LYZL4: variants seen among roughly 807,000 people sequenced by gnomAD.
The protein encoded by LYZL4 is lysozyme like 4.
LYZL4 carries 13 observed loss-of-function variants against 17.6 expected under a neutral mutation model. The observed-to-expected ratio is 0.74, with a 90% CI of 0.48 to 1.18. The LOEUF is 1.18. LYZL4 is among the 50% of genes most tolerant of loss of function. The pLI is 0.00. For synonymous variants in LYZL4, 64 were observed against 67.7 expected (o/e 0.95, Z 0.27); for missense variants, 174 against 188.2 (o/e 0.92, Z 0.44).
At chr3:42,399,803 C>G (rs746402357) in intron 4 of LYZL4, among the ~76,000 whole-genome samples, 1 of 152,020 alleles carries the variant, frequency 6.6e-6, no homozygotes, top group African/African-American at 2.4e-5. Flanking sequence ...AGTTTTTCAA[C>G]GAGCACATAG....
At chr3:42,369,915 T>G in the LYZL4 span, among the ~76,000 whole-genome samples, 1 of 152,068 alleles carries the variant, frequency 6.6e-6, no homozygotes, top group African/African-American at 2.4e-5. Context: ...GGCGTGGTGA[T>G]GCATACCTGT....
intron 4 of LYZL4, among the ~76,000 whole-genome samples, chr3:42,402,346 TA>T (rs1220113129): frequency 1.4e-5 from 2 of 146,152 alleles, no homozygotes; most frequent in African/African-American, 5.1e-5. Flanking sequence ...ATGTCTCTTA[TA>T]AAAAAAAGAT....
chr3:42,407,482 TCTC>T, intron 1 of LYZL4, 139 bp from the exon 2 acceptor site: 2 of 572,596 alleles, frequency 3.5e-6, no homozygotes, highest in Non-Finnish European at 6.1e-6. Flanking sequence ...CTCTGCCCCT[TCTC>T]CTCCTCTTGA....
At chr3:42,385,178 C>T in the LYZL4 span, among the ~76,000 whole-genome samples, 62 of 137,558 alleles carry the variant, frequency 4.5e-4, no homozygotes, top group Non-Finnish European at 8.5e-4. Context: ...TCTTTTGCCT[C>T]TTTTCAAAAA....
At chr3:42,366,750 C>G in the LYZL4 span, among the ~76,000 whole-genome samples, 1 of 152,194 alleles carries the variant, frequency 6.6e-6, no homozygotes, top group African/African-American at 2.4e-5. Flanking sequence ...ACGAACATGC[C>G]GAGTACCTAC....
the LYZL4 span, among the ~76,000 whole-genome samples, chr3:42,377,625 CTGTGTGTG>C: frequency 0.23 from 32,905 of 143,674 alleles, 4,093 homozygotes; most frequent in East Asian, 0.44. Context: ...GCATGACTCT[CTGTGTGTG>C]TGTGTGTGTG....
intron 4 of LYZL4, among the ~76,000 whole-genome samples, chr3:42,400,455 A>G (rs980655645): frequency 1.3e-5 from 2 of 152,316 alleles, no homozygotes; most frequent in African/African-American, 4.8e-5. Flanking sequence ...CTCATTTTGA[A>G]AATGAAGATA....
chr3:42,374,560 A>G, the LYZL4 span, among the ~76,000 whole-genome samples: 1 of 152,284 alleles, frequency 6.6e-6, no homozygotes, highest in South Asian at 2.1e-4. Context: ...ATTTGAAGTT[A>G]CACTTACGAC....
chr3:42,372,884 C>T, the LYZL4 span, among the ~76,000 whole-genome samples: 1 of 152,166 alleles, frequency 6.6e-6, no homozygotes. Flanking sequence ...GAAACCAGGG[C>T]TGTCATACTA....
chr3:42,395,142 T>G (rs1698534186), downstream of LYZL4, among the ~76,000 whole-genome samples: 1 of 152,244 alleles, frequency 6.6e-6, no homozygotes. Flanking sequence ...CAACAGTCGT[T>G]ACTGAACTTG....
intron 3 of LYZL4, among the ~76,000 whole-genome samples, chr3:42,406,151 C>A (rs776063080): frequency 8.6e-5 from 13 of 152,030 alleles, no homozygotes; most frequent in African/African-American, 3.1e-4. Flanking sequence ...GCAGCAACTG[C>A]CCCCTTGAAA....
the LYZL4 span, among the ~76,000 whole-genome samples, chr3:42,368,164 A>G: frequency 5.9e-5 from 9 of 152,376 alleles, no homozygotes; most frequent in African/African-American, 2.2e-4. Flanking sequence ...TTACAGCTGC[A>G]TTCCAAACTA....
chr3:42,369,584 G>A, the LYZL4 span, among the ~76,000 whole-genome samples: 13 of 152,280 alleles, frequency 8.5e-5, no homozygotes, highest in Non-Finnish European at 1.3e-4. Context: ...GGATGCAGTC[G>A]CCAAGCTGTC....
At chr3:42,383,271 A>G in the LYZL4 span, among the ~76,000 whole-genome samples, 2 of 152,186 alleles carry the variant, frequency 1.3e-5, no homozygotes, top group South Asian at 2.1e-4. Context: ...CCAAGCCTAT[A>G]TACTCCAGGT....
At chr3:42,375,793 T>A in the LYZL4 span, among the ~76,000 whole-genome samples, 1 of 152,244 alleles carries the variant, frequency 6.6e-6, no homozygotes, top group Non-Finnish European at 1.5e-5. Context: ...CCCCTCTTTA[T>A]CTTCAGGCTC....
chr3:42,368,768 G>A, the LYZL4 span, among the ~76,000 whole-genome samples: 1 of 152,078 alleles, frequency 6.6e-6, no homozygotes, highest in Admixed American at 6.6e-5. Flanking sequence ...CAAAATGGCA[G>A]TTCACCCATA....
At chr3:42,407,461 G>C (rs1698779883) in intron 1 of LYZL4, 118 bp from the exon 2 acceptor site, 2 of 632,388 alleles carry the variant, frequency 3.2e-6, no homozygotes, top group African/African-American at 3.7e-5. Flanking sequence ...GCAAATCTGG[G>C]ACACCTGAAA....
chr3:42,390,768 C>T, the LYZL4 span, among the ~76,000 whole-genome samples: 1 of 152,104 alleles, frequency 6.6e-6, no homozygotes, highest in Non-Finnish European at 1.5e-5. Context: ...GACTACATGC[C>T]TATATTCTAG....
the LYZL4 span, among the ~76,000 whole-genome samples, chr3:42,386,400 C>T: frequency 1.3e-4 from 7 of 55,346 alleles, no homozygotes; most frequent in East Asian, 8.8e-4. Flanking sequence ...ACCACGCCCC[C>T]CCCCCCCCCC....
Sources: gnomAD v4.1 joint callset for allele counts (sites outside exome capture counted in the v4.1 genomes callset) on GRCh38, gnomAD v4.1.1 for gene constraint, MANE v1.5 for transcripts, NCBI Gene and HGNC (gene_info 2026-07-23, HGNC 2026-07-21) for gene names.